SLC38A7: variants seen among roughly 807,000 people sequenced by gnomAD.
SLC38A7 encodes the protein sodium-coupled neutral amino acid transporter 7.
Under a neutral mutation model 50.1 loss-of-function variants are expected in SLC38A7, and 29 were observed. The ratio of observed to expected loss-of-function variants is 0.58; its 90% CI spans 0.43 to 0.79. SLC38A7 has a LOEUF of 0.79. Among genes scored for constraint, SLC38A7 ranks in the 30% least tolerant of loss-of-function variants. The probability of loss-of-function intolerance (pLI) is 0.00; values close to 1 mark genes in which losing one functional copy is unlikely to be tolerated. For missense variants in SLC38A7, 483 were observed against 610.6 expected, an observed-to-expected ratio of 0.79 and a Z score of 2.20; for synonymous variants, 244 against 245.9, an observed-to-expected ratio of 0.99 and a Z score of 0.07.
chr16:58,678,584 G>T lies in SLC38A7; in HGVS notation c.470-110C>A. On this transcript the variant is annotated intron_variant, in intron 4 of 11. Transcript: ENST00000219320. This position sits in a 1 kb window ranked among gnomAD's most constrained non-coding sequence, Gnocchi z 4.0. ...CTGCCTGGAGGGAGGATTCCCAGAT[G>T]AATGCTGGGCCCAGGTAAGTCCTGG... 1 of 1,553,464 alleles carries T rather than the reference G, an allele frequency of 6.4e-7. No homozygotes were observed. The highest frequency in any genetic ancestry group is 1.2e-5 in the South Asian group (1 of 85,062).
In SLC38A7 at chr16:58,678,671, G is replaced by T. The variant is rs1340208065; in HGVS notation, c.469+25C>A. The T allele has an allele frequency of 6.2e-7, 1 of 1,611,652 alleles. No homozygotes were observed. The highest frequency in any genetic ancestry group is 1.1e-5 in the South Asian group (1 of 90,842). On this transcript the variant is annotated intron_variant, in intron 4 of 11. Transcript: ENST00000219320. The surrounding 1 kb of genome is among the most constrained non-coding windows in gnomAD (Gnocchi z 4.0). ...CCCTGGGGCTGATAAGAAGAGATGG[G>T]GTAGGGACTGAGGGAGAAGCTCACT... is the stretch of plus-strand genomic sequence containing the variant.
chr16:58,668,241 C>T (rs946899235), intron 11 of SLC38A7, among the ~76,000 whole-genome samples: 2 of 151,974 alleles, frequency 1.3e-5, no homozygotes, highest in Non-Finnish European at 2.9e-5. Flanking sequence ...AGTTTGAGAC[C>T]AGCCTGGCCA....
At chr16:58,669,491 G>A (rs974699842) in intron 11 of SLC38A7, among the ~76,000 whole-genome samples, 6 of 152,180 alleles carry the variant, frequency 3.9e-5, no homozygotes, top group Admixed American at 2.6e-4. Flanking sequence ...ACACAGACAC[G>A]CACACATGTA....
intron 8 of SLC38A7, among the ~76,000 whole-genome samples, chr16:58,672,687 C>A (rs1045992739): frequency 6.6e-6 from 1 of 152,162 alleles, no homozygotes. Context: ...TGCCCTGTTA[C>A]CCAGACTAGA....
intron 9 of SLC38A7, chr16:58,671,472 A>G: frequency 1.7e-6 from 1 of 589,372 alleles, no homozygotes. Flanking sequence ...GGAAACTGAT[A>G]TTGTTTTTTC....
chr16:58,678,842 T>C lies in SLC38A7; in HGVS notation c.323A>G (p.Gln108Arg), dbSNP rs1223944868. The C allele has an allele frequency of 1.2e-6, 2 of 1,614,122 alleles. No homozygotes were observed. The highest frequency in any genetic ancestry group is 8.5e-7 in the Non-Finnish European group (1 of 1,180,026). The change falls in exon 4 of 12, where the codon CAG becomes CGG. Residue 108 changes from glutamine to arginine, a missense_variant. By Grantham distance (43) the Gln-to-Arg change is conservative (BLOSUM62 1). Coordinates refer to ENST00000219320, the MANE Select transcript of SLC38A7 (RefSeq NM_018231.3). This position sits in a 1 kb window ranked among gnomAD's most constrained non-coding sequence, Gnocchi z 4.0. ...CTGGTAGGTCCTCTCATTGCTGGCC[T>C]GGGAGCAGTAGGCCAGGATGACAAG... ...SGLVILAYCS[Q>R]ASNERTYQEV...
intron 3 of SLC38A7, 100 bp downstream of exon 3, chr16:58,679,757 T>C: frequency 2.0e-6 from 3 of 1,474,104 alleles, no homozygotes; most frequent in Non-Finnish European, 2.8e-6. Context: ...GGGAGAGCAG[T>C]GCGTGTATCA....
At chr16:58,670,029 C>T (rs1001823767) in intron 11 of SLC38A7, 84 bp downstream of exon 11, 3 of 1,203,428 alleles carry the variant, frequency 2.5e-6, no homozygotes, top group Non-Finnish European at 3.6e-6. Context: ...AAGCCTCTGA[C>T]TCCTATCTGT....
At chr16:58,680,914 C>A (rs192514906) in intron 2 of SLC38A7, among the ~76,000 whole-genome samples, 1 of 152,168 alleles carries the variant, frequency 6.6e-6, no homozygotes, top group Non-Finnish European at 1.5e-5. Context: ...TTTGCCGCCA[C>A]CCTTTTAGGT....
intron 8 of SLC38A7, among the ~76,000 whole-genome samples, chr16:58,673,083 A>ATTTTTTTTTTTTTTTTTT (rs34081609): frequency 1.7e-5 from 1 of 60,360 alleles, no homozygotes; most frequent in African/African-American, 9.3e-5. Context: ...TGCCCGGCTA[A>ATTTTTTTTTTTTTTTTTT]TTTTTTTTTT....
Position 58,671,349 on chromosome 16 carries a change from C to A in SLC38A7, c.1032-105G>T, listed in dbSNP as rs148092451. On this transcript the variant is annotated intron_variant, in intron 9 of 11. Coordinates refer to ENST00000219320, the MANE Select transcript of SLC38A7 (RefSeq NM_018231.3). ...AACTGGGTAGACTGCGGGGAAAGCC[C>A]CATTCCTGACCCTCAGTTTCCTCTT... 2.1e-3 allele frequency: 2,275 copies of A among 1,100,464 alleles called. 4 individuals are homozygous for A. The highest frequency in any genetic ancestry group is 3.5e-3 in the Middle Eastern group (12 of 3,414). 68.2% of individuals were successfully genotyped at this position (1,100,464 alleles called of 1,614,324 possible).
rs761098789 is a variant in SLC38A7 at position 58,679,886 on chromosome 16, C to A, written c.241G>T (p.Gly81Cys). The change falls in exon 3 of 12, where the codon GGC (glycine) becomes TGC (cysteine). Residue 81 changes from glycine to cysteine, a missense_variant. Physicochemically the swap from Gly to Cys is radical, Grantham distance 159 (BLOSUM62 -3). Transcript: ENST00000219320. ...NFPAAFSTAG[G>C]VAAGIALQMG... Reference sequence around the variant, plus strand: ...TGCAGTGCGATGCCTGCTGCCACGCCCCCCGCAGTGCTGAAGGCTGCTGGG... The same window carrying A: ...TGCAGTGCGATGCCTGCTGCCACGCACCCCGCAGTGCTGAAGGCTGCTGGG... The A allele has an allele frequency of 5.3e-5, 85 of 1,613,778 alleles. No individual in the cohort carries two copies. Among genetic ancestry groups the A allele is most frequent in the Non-Finnish European group, 6.9e-5 (82 of 1,179,958 alleles).
At chr16:58,676,096 C>A in intron 7 of SLC38A7, 42 bp from the exon 8 acceptor site, 1 of 1,595,552 alleles carries the variant, frequency 6.3e-7, no homozygotes, top group Non-Finnish European at 8.6e-7. Context: ...GAAATGACCT[C>A]AACCCCAGTT....
rs1006348338 is a variant in SLC38A7, at chr16:58,673,299, G to A, written c.884-1056C>T. Among the ~76,000 whole-genome samples the A allele has an allele frequency of 1.3e-4, 19 of 150,156 alleles. No individual in the cohort carries two copies. The South Asian group carries it at 2.7e-3, about 22-fold the overall frequency. On this transcript the variant is annotated intron_variant, in intron 8 of 11. Coordinates refer to ENST00000219320, the MANE Select transcript of SLC38A7 (RefSeq NM_018231.3). ...CACCCAGGCTGGAATGCAGTGGTGCGATTTCAGCTTACTGCCACCTCTGCC... is the reference window on the plus strand; with the variant it reads ...CACCCAGGCTGGAATGCAGTGGTGCAATTTCAGCTTACTGCCACCTCTGCC...
intron 2 of SLC38A7, among the ~76,000 whole-genome samples, chr16:58,682,305 C>T (rs1223520610): frequency 6.6e-6 from 1 of 152,098 alleles, no homozygotes; most frequent in East Asian, 1.9e-4. Context: ...AGGGAGGAGC[C>T]AGGGCAGTCT....
intron 8 of SLC38A7, among the ~76,000 whole-genome samples, chr16:58,674,846 G>T (rs2044231229): frequency 6.6e-6 from 1 of 151,970 alleles, no homozygotes; most frequent in Admixed American, 6.6e-5. Context: ...TTCTTCCAGG[G>T]TCTCCTAGAC....
Position 58,677,710 on chromosome 16 carries a change from A to T in SLC38A7, c.612-286T>A, listed in dbSNP as rs1276864296. 10 of 412,794 alleles carry T rather than the reference A, an allele frequency of 2.4e-5. 1 individual carries two copies. Among genetic ancestry groups the T allele is most frequent in the Admixed American group, 2.1e-4 (6 of 28,812 alleles). The allele number at this position is 412,794 out of a possible 1,614,324, so 25.6% of individuals were successfully genotyped here. Reference sequence around the variant, plus strand: ...GACGATGCAGAGAGCAGAGCTCCAAAGCACACCTGGGACTTGAATCAGAGC... The same window carrying T: ...GACGATGCAGAGAGCAGAGCTCCAATGCACACCTGGGACTTGAATCAGAGC... On this transcript the variant is annotated intron_variant, in intron 5 of 11. Transcript: ENST00000219320.
In SLC38A7 at chr16:58,671,103, G is replaced by C. The variant is rs766440636; in HGVS notation, c.1173C>G (p.Ile391Met). ...CTCCAATGACTGAGATCACCTTGCC[G>C]ATGTCAGGGATGAAGAGCGCCAGCA... ...TLLLALFIPD[I>M]GKVISVIGGL... The change falls in exon 10 of 12, where the codon ATC becomes ATG. Residue 391 changes from isoleucine to methionine, a missense_variant. By Grantham distance (10) the Ile-to-Met change is conservative. Coordinates refer to ENST00000219320, the MANE Select transcript of SLC38A7 (RefSeq NM_018231.3). The C allele has an allele frequency of 6.2e-7, 1 of 1,613,812 alleles. No homozygotes were observed. Among genetic ancestry groups the C allele is most frequent in the Non-Finnish European group, 8.5e-7 (1 of 1,179,874 alleles).
intron 8 of SLC38A7, among the ~76,000 whole-genome samples, chr16:58,673,597 C>T (rs1462653209): frequency 2.0e-5 from 3 of 151,178 alleles, no homozygotes; most frequent in Non-Finnish European, 4.4e-5. Flanking sequence ...CTCCTGACCT[C>T]ATGTGATCTG....
Sources: gnomAD v4.1 joint callset for allele counts (sites outside exome capture counted in the v4.1 genomes callset) on GRCh38, gnomAD v4.1.1 for gene constraint, Gnocchi (gnomAD v3.1) non-coding constraint, MANE v1.5 for transcripts, NCBI Gene and HGNC (gene_info 2026-07-23, HGNC 2026-07-21) for gene names.